SCAP: variants seen among roughly 807,000 people sequenced by gnomAD.
The protein encoded by SCAP is SREBF chaperone.
In SCAP, 65 loss-of-function variants were observed where a neutral mutation model predicts 123.6. The ratio of observed to expected loss-of-function variants is 0.53; its 90% CI spans 0.43 to 0.65. The LOEUF (loss-of-function observed/expected upper bound fraction) is 0.65. Among genes scored for constraint, SCAP ranks in the 30% least tolerant of loss-of-function variants. SCAP has a pLI of 0.00. For synonymous variants in SCAP, 740 were observed against 726.3 expected, an observed-to-expected ratio of 1.02 and a Z score of -0.30; for missense variants, 1,398 against 1,712.5, an observed-to-expected ratio of 0.82 and a Z score of 3.24.
chr3:47,441,102 A>G (rs569425836), intron 2 of SCAP, among the ~76,000 whole-genome samples: 5 of 152,094 alleles, frequency 3.3e-5, no homozygotes, highest in African/African-American at 7.2e-5. Context: ...AGGTTTCACC[A>G]TGTTGGCCAG....
intron 1 of SCAP, among the ~76,000 whole-genome samples, chr3:47,453,489 A>G (rs942284895): frequency 2.4e-4 from 36 of 152,140 alleles, no homozygotes; most frequent in African/African-American, 8.2e-4. Context: ...TTCTTTGCTT[A>G]TTATACAGGT....
chr3:47,416,759 T>C (rs899671361), intron 18 of SCAP, among the ~76,000 whole-genome samples: 2 of 150,006 alleles, frequency 1.3e-5, no homozygotes, highest in African/African-American at 4.9e-5. Flanking sequence ...CCCAAGTAGC[T>C]GGGACTACAG....
At chr3:47,440,062 G>C (rs1706737087) in intron 2 of SCAP, among the ~76,000 whole-genome samples, 1 of 152,198 alleles carries the variant, frequency 6.6e-6, no homozygotes, top group South Asian at 2.1e-4. Context: ...ACCCAGTGGT[G>C]GTGAGCCAGT....
At chr3:47,457,645 C>T (rs1339951974) in intron 1 of SCAP, among the ~76,000 whole-genome samples, 1 of 152,270 alleles carries the variant, frequency 6.6e-6, no homozygotes, top group African/African-American at 2.4e-5. Flanking sequence ...CGGTGGCTCA[C>T]GTCTATAATC....
chr3:47,416,618 T>C (rs1283969501), intron 18 of SCAP, among the ~76,000 whole-genome samples: 1 of 7,042 alleles, frequency 1.4e-4, no homozygotes, highest in Non-Finnish European at 1.0e-3. Context: ...CCTAACGCTT[T>C]TTTTTTTTTT....
chr3:47,427,111 G>T, intron 6 of SCAP, 46 bp downstream of exon 6: 1 of 1,390,820 alleles, frequency 7.2e-7, no homozygotes, highest in Non-Finnish European at 1.0e-6. Context: ...AAAGCCTCAT[G>T]TCACCCAGCA....
chr3:47,452,781 T>C (rs1324781244), intron 1 of SCAP, among the ~76,000 whole-genome samples: 1 of 152,082 alleles, frequency 6.6e-6, no homozygotes, highest in Non-Finnish European at 1.5e-5. Context: ...ATCTTGAACA[T>C]ATGTCTAAAC....
chr3:47,437,707 A>G (rs772873995), intron 2 of SCAP, among the ~76,000 whole-genome samples: 2 of 152,186 alleles, frequency 1.3e-5, no homozygotes, highest in African/African-American at 2.4e-5. Context: ...ATGCCACTGC[A>G]TTCCAGCCTA....
intron 3 of SCAP, among the ~76,000 whole-genome samples, chr3:47,429,206 A>G (rs2107833966): frequency 6.6e-6 from 1 of 152,326 alleles, no homozygotes; most frequent in East Asian, 1.9e-4. Context: ...CTTCAATATA[A>G]AGCTTTTCTT....
In SCAP at chr3:47,435,048, G is replaced by C; in HGVS notation, c.212C>G (p.Ser71Cys). 2 of 1,614,174 alleles carry C rather than the reference G, an allele frequency of 1.2e-6. No individual in the cohort carries two copies. The highest frequency in any genetic ancestry group is 1.7e-6 in the Non-Finnish European group (2 of 1,180,016). Residue 71 changes from serine (S) to cysteine (C), a missense_variant, in exon 3 of 23, where the codon TCT becomes TGT. This residue lies in a region of SCAP where 319 missense variants were observed against 432.4 expected (regional missense o/e 0.74). Coordinates refer to ENST00000265565, the MANE Select transcript of SCAP (RefSeq NM_012235.4). ...VKDYSPPPVD[S>C]DRKQGEPTEQ... Reference sequence around the variant, plus strand: ...AGTAGGCTCTCCTTGTTTGCGGTCAGAGTCCACAGGTGGGGGCGAGTAATC... The same window carrying C: ...AGTAGGCTCTCCTTGTTTGCGGTCACAGTCCACAGGTGGGGGCGAGTAATC...
chr3:47,415,782 C>T (rs895536891), intron 18 of SCAP, among the ~76,000 whole-genome samples: 3 of 152,182 alleles, frequency 2.0e-5, no homozygotes, highest in Non-Finnish European at 4.4e-5. Context: ...AAAGGCAATG[C>T]ATGTCTGCCT....
At position 47,417,141 on chromosome 3, in the gene SCAP, G is replaced by T. The variant is rs1461326810; in HGVS notation, c.3037C>A (p.Leu1013Met). The T allele has an allele frequency of 1.2e-6, 2 of 1,612,980 alleles. No homozygotes were observed. The highest frequency in any genetic ancestry group is 1.7e-6 in the Non-Finnish European group (2 of 1,180,018). The change falls in exon 18 of 23, where the codon CTG (leucine) becomes ATG (methionine). Residue 1013 changes from leucine (L) to methionine (M), a missense_variant. Coordinates refer to ENST00000265565, the MANE Select transcript of SCAP (RefSeq NM_012235.4). ...SEEVSSGITA[L>M]VFLDKRIVAA... The stretch of plus-strand genomic sequence containing the variant: ...GCTCACCTTTTGTCCAAGAACACCA[G>T]AGCGGTAATGCCTGAGGAGACCTCC...
intron 8 of SCAP, chr3:47,425,274 A>T (rs1040460029): frequency 3.5e-6 from 2 of 570,462 alleles, no homozygotes; most frequent in Non-Finnish European, 6.0e-6. Flanking sequence ...ACATATGGAC[A>T]CTCACTATAG....
intron 14 of SCAP, 29 bp downstream of exon 14, chr3:47,418,626 T>TTGGCC: frequency 6.9e-7 from 1 of 1,459,568 alleles, no homozygotes; most frequent in Non-Finnish European, 9.5e-7. Flanking sequence ...CCGCACTCTT[T>TTGGCC]CCCACCCCAC....
chr3:47,446,464 C>T (rs546153753), intron 1 of SCAP, among the ~76,000 whole-genome samples: 9 of 152,312 alleles, frequency 5.9e-5, no homozygotes, highest in Admixed American at 1.3e-4. Flanking sequence ...AGCCACCGTG[C>T]CTGGCCCCCC....
intron 2 of SCAP, 63 bp downstream of exon 2, chr3:47,442,809 G>C: frequency 6.8e-7 from 1 of 1,480,552 alleles, no homozygotes; most frequent in Non-Finnish European, 9.4e-7. Flanking sequence ...TAGTGGTTAG[G>C]GTTAGAAAAC....
At chr3:47,436,529 T>A (rs1350802062) in intron 2 of SCAP, among the ~76,000 whole-genome samples, 2 of 151,784 alleles carry the variant, frequency 1.3e-5, no homozygotes, top group African/African-American at 4.8e-5. Context: ...AGCTACTGGC[T>A]GAGGCAGGAG....
At chr3:47,432,036 C>T (rs951486560) in intron 3 of SCAP, among the ~76,000 whole-genome samples, 1 of 152,058 alleles carries the variant, frequency 6.6e-6, no homozygotes, top group African/African-American at 2.4e-5. Context: ...TGCTCTAGGC[C>T]AGGCATGGTG....
At position 47,427,559 on chromosome 3, in the gene SCAP, G is replaced by A; in HGVS notation, c.519C>T (p.Ser173=). 6.2e-7 allele frequency: 1 copy of A among 1,614,108 alleles called. No homozygotes were observed. Among genetic ancestry groups the A allele is most frequent in the South Asian group, 1.1e-5 (1 of 91,080 alleles). Reference sequence around the variant, plus strand: ...AGTCATTCTGCCAGAAGTTCCCAGGGGACAGCAGCAGGCATCCATGCTCAG... The same window carrying A: ...AGTCATTCTGCCAGAAGTTCCCAGGAGACAGCAGCAGGCATCCATGCTCAG... ...LLPEHGCLLL[S]PGNFWQNDWE... is the part of the protein sequence containing the mutation. Residue 173 remains serine, a synonymous_variant, in exon 5 of 23, where the codon TCC becomes TCT. Coordinates refer to ENST00000265565, the MANE Select transcript of SCAP (RefSeq NM_012235.4).
Sources: gnomAD v4.1 joint callset for allele counts (sites outside exome capture counted in the v4.1 genomes callset) on GRCh38, gnomAD v4.1.1 for gene constraint, gnomAD v4.1.1 regional missense constraint, MANE v1.5 for transcripts, NCBI Gene and HGNC (gene_info 2026-07-23, HGNC 2026-07-21) for gene names.